Variants in TRIM65 observed in about 807,000 individuals in gnomAD.
The protein encoded by TRIM65 is tripartite motif containing 65.
A neutral mutation model predicts 36.1 loss-of-function variants in TRIM65; 46 were observed. The ratio of observed to expected loss-of-function variants is 1.27; its 90% CI spans 1.01 to 1.63. The LOEUF (loss-of-function observed/expected upper bound fraction) is 1.63. Ranked by LOEUF, TRIM65 falls within the 40% of genes most tolerant of loss-of-function variation. The pLI is 0.00. For synonymous variants in TRIM65, 346 were observed against 313.6 expected, an observed-to-expected ratio of 1.10 and a Z score of -1.09; for missense variants, 708 against 696.6, an observed-to-expected ratio of 1.02 and a Z score of -0.18.
chr17:75,894,340 A>C (rs1299975319), intron 1 of TRIM65, among the ~76,000 whole-genome samples: 1 of 152,190 alleles, frequency 6.6e-6, no homozygotes, highest in Non-Finnish European at 1.5e-5. Flanking sequence ...TTCGCTGCTG[A>C]AATGGGTTTT....
chr17:75,883,392 C>T (rs1367310049), intron 4 of TRIM65, among the ~76,000 whole-genome samples: 2 of 152,156 alleles, frequency 1.3e-5, no homozygotes, highest in South Asian at 4.1e-4. Context: ...GCTGGGACTA[C>T]AGGCAAGAGC....
intron 4 of TRIM65, among the ~76,000 whole-genome samples, chr17:75,882,929 A>T (rs181282825): frequency 6.7e-6 from 1 of 149,334 alleles, no homozygotes; most frequent in East Asian, 1.9e-4. Flanking sequence ...CGAGGACTTG[A>T]GCTCAGGAGT....
rs2065288903 is a variant in TRIM65, at chr17:75,892,656, A to T, written c.510+99T>A. On this transcript the variant is annotated intron_variant, in intron 2 of 5. Transcript: ENST00000269383. ...GACCCCTGTGCCCAGCTCCCTGCTC[A>T]GCCCCGCTCCCTGCTGCCTGGTGTT... 1.2e-5 allele frequency: 16 copies of T among 1,300,808 alleles called. No individual in the cohort carries two copies. The South Asian group carries it at 1.7e-4, about 14-fold the overall frequency. The allele number at this position is 1,300,808 out of a possible 1,614,324, so 80.6% of individuals were successfully genotyped here.
chr17:75,890,800 G>A lies in TRIM65; in HGVS notation c.1533C>T (p.Pro511=). ...HQPGAVFPLG[P]QEEVLS is the part of the protein sequence containing the mutation. ...TTCTTCAGCTGAGCACCTCTTCCTG[G>A]GGCCCCAGAGGGAACACAGCCCCTG... The change falls in exon 6 of 6, where the codon CCC becomes CCT. Residue 511 remains proline (P), a synonymous_variant. Transcript: ENST00000269383. The A allele has an allele frequency of 6.7e-7, 1 of 1,491,026 alleles. No individual in the cohort carries two copies. The highest frequency in any genetic ancestry group is 1.4e-5 in the South Asian group (1 of 72,790). The allele number at this position is 1,491,026 out of a possible 1,614,324, so 92.4% of individuals were successfully genotyped here. A position where few individuals can be genotyped will look rare whatever the true frequency, so the allele number is the denominator to read the frequency against.
rs2065234516 is a variant in TRIM65 at position 75,889,149 on chromosome 17, G to A, written c.*1630C>T. 6.6e-6 allele frequency: 1 copy of A among 150,458 alleles called. No homozygotes were observed. The highest frequency in any genetic ancestry group is 2.0e-4 in the East Asian group (1 of 5,122). 9.3% of individuals were successfully genotyped at this position (150,458 alleles called of 1,614,324 possible). ...TCAGCTCACTGCAACCTCACCTCCT[G>A]GGTTCAAGCGATTCTTCTGCCTCAG... On this transcript the variant is annotated 3_prime_UTR_variant, in exon 6 of 6. Coordinates refer to ENST00000269383, the MANE Select transcript of TRIM65 (RefSeq NM_173547.4).
downstream of TRIM65, among the ~76,000 whole-genome samples, chr17:75,884,372 T>A (rs1380553252): frequency 4.0e-5 from 6 of 151,870 alleles, no homozygotes; most frequent in Non-Finnish European, 1.5e-5. Context: ...AGCAGGAGAA[T>A]CGCTTGAACC....
In TRIM65 at chr17:75,890,735, T is replaced by C. The variant is rs763393396; in HGVS notation, c.*44A>G. 9.2e-6 allele frequency: 13 copies of C among 1,416,770 alleles called. No individual in the cohort carries two copies. In the South Asian group the frequency reaches 1.1e-4, roughly 12 times the overall value. The allele number at this position is 1,416,770 out of a possible 1,614,324, so 87.8% of individuals were successfully genotyped here. A position where few individuals can be genotyped will look rare whatever the true frequency, so the allele number is the denominator to read the frequency against. ...TGAAGCTGGGCAGCTCTTGGGCACA[T>C]AGGCATGGTGGCAGCTATGCCAGGG... On this transcript the variant is annotated 3_prime_UTR_variant, in exon 6 of 6. Coordinates refer to ENST00000269383, the MANE Select transcript of TRIM65 (RefSeq NM_173547.4).
chr17:75,892,324 G>T lies in TRIM65; in HGVS notation c.687C>A (p.Arg229=). 6.2e-7 allele frequency: 1 copy of T among 1,612,600 alleles called. No homozygotes were observed. Residue 229 remains arginine (R), a synonymous_variant, in exon 3 of 6, where the codon CGC becomes CGA. Coordinates refer to ENST00000269383, the MANE Select transcript of TRIM65 (RefSeq NM_173547.4). ...RLRVHLEAVA[R]HGCRIRELLE... ...GGAGCTCCCGGATCCTGCAGCCATGGCGAGCCACAGCCTCCAAATGGACCC... is the reference window on the plus strand; with the variant it reads ...GGAGCTCCCGGATCCTGCAGCCATGTCGAGCCACAGCCTCCAAATGGACCC...
Position 75,892,362 on chromosome 17 carries a change from C to A in TRIM65, c.649G>T (p.Glu217Ter). 6.2e-7 allele frequency: 1 copy of A among 1,613,470 alleles called. No homozygotes were observed. The highest frequency in any genetic ancestry group is 1.1e-5 in the South Asian group (1 of 91,058). The change falls in exon 3 of 6, where the codon GAG becomes TAG. Residue 217 changes from glutamate to a stop codon, truncating the protein, a stop_gained. Transcript: ENST00000269383. LOFTEE classifies it high-confidence loss of function. ...TCCAAATGGACCCGCAGCCGCTGCTCCTCGTCTCGAGCCTGTGCCAGCGCC... is the reference window on the plus strand; with the variant it reads ...TCCAAATGGACCCGCAGCCGCTGCTACTCGTCTCGAGCCTGTGCCAGCGCC... The part of the protein sequence containing the change: ...TQALAQARDE[E>*]QRLRVHLEAV...
At chr17:75,882,773 T>G (rs1260880069) in intron 4 of TRIM65, among the ~76,000 whole-genome samples, 1 of 150,482 alleles carries the variant, frequency 6.6e-6, no homozygotes, top group African/African-American at 2.5e-5. Context: ...CTCAAGAGGT[T>G]GCAGCTTGAA....
chr17:75,887,173 A>C (rs925026911), downstream of TRIM65, among the ~76,000 whole-genome samples: 1 of 144,444 alleles, frequency 6.9e-6, no homozygotes, highest in Non-Finnish European at 1.5e-5. Flanking sequence ...AAAAAAAAAA[A>C]AGAAGAGAAA....
chr17:75,881,235 CAAAAA>C (rs58718762), intron 4 of TRIM65, among the ~76,000 whole-genome samples: 2 of 110,272 alleles, frequency 1.8e-5, no homozygotes, highest in Non-Finnish European at 3.8e-5. Context: ...GACTCCATCT[CAAAAA>C]AAAAAAAAAA....
downstream of TRIM65, among the ~76,000 whole-genome samples, chr17:75,888,289 C>T (rs916766324): frequency 6.6e-6 from 1 of 150,878 alleles, no homozygotes; most frequent in African/African-American, 2.4e-5. Context: ...GGAGGCGGAG[C>T]TTGCAGTGAG....
chr17:75,887,792 C>T (rs1385201401), downstream of TRIM65, among the ~76,000 whole-genome samples: 7 of 151,738 alleles, frequency 4.6e-5, no homozygotes, highest in African/African-American at 1.7e-4. Flanking sequence ...GAGGCCCAGG[C>T]GGGTGGATCA....
At position 75,891,793 on chromosome 17, in the gene TRIM65, T is replaced by A; in HGVS notation, c.985+20A>T. ...GCACACGCACACACAGGGGCACACA[T>A]ACACGAACGGCCTCCTTACTCTGCC... On this transcript the variant is annotated intron_variant, in intron 5 of 5. Coordinates refer to ENST00000269383, the MANE Select transcript of TRIM65 (RefSeq NM_173547.4). The A allele has an allele frequency of 6.2e-7, 1 of 1,602,488 alleles. No individual in the cohort carries two copies. The highest frequency in any genetic ancestry group is 8.5e-7 in the Non-Finnish European group (1 of 1,174,356).
Position 75,891,303 on chromosome 17 carries a change from A to T in TRIM65, c.1030T>A (p.Phe344Ile). Residue 344 changes from phenylalanine (F) to isoleucine (I), a missense_variant, in exon 6 of 6, where the codon TTC (phenylalanine) becomes ATC (isoleucine). By Grantham distance (21) the Phe-to-Ile change is conservative. Coordinates refer to ENST00000269383, the MANE Select transcript of TRIM65 (RefSeq NM_173547.4). Reference protein sequence around the residue: ...TFDPVSANRHFYLSRQDQQVK... With the variant: ...TFDPVSANRHIYLSRQDQQVK... ...TGCTGGTCCTGGCGCGACAGATAGA[A>T]GTGACGGTTGGCGCTGACTGGATCA... The T allele has an allele frequency of 6.2e-7, 1 of 1,613,264 alleles. No individual in the cohort carries two copies. Among genetic ancestry groups the T allele is most frequent in the Non-Finnish European group, 8.5e-7 (1 of 1,180,006 alleles).
downstream of TRIM65, among the ~76,000 whole-genome samples, chr17:75,886,677 T>C (rs536363903): frequency 7.2e-5 from 11 of 152,214 alleles, no homozygotes; most frequent in East Asian, 2.1e-3. Flanking sequence ...TCCCTGTCTT[T>C]CACAACCTCT....
chr17:75,884,758 A>G (rs907417780), downstream of TRIM65, among the ~76,000 whole-genome samples: 17 of 152,134 alleles, frequency 1.1e-4, no homozygotes, highest in Admixed American at 2.6e-4. Flanking sequence ...AGCTGGGACC[A>G]CAGGCGCACG....
chr17:75,891,409 A>G, intron 5 of TRIM65, 62 bp from the exon 6 acceptor site: 1 of 1,562,634 alleles, frequency 6.4e-7, no homozygotes, highest in Non-Finnish European at 8.8e-7. Context: ...ATCTCCATTT[A>G]TCCGCTGCTA....
Sources: allele counts gnomAD v4.1 joint callset (sites outside exome capture counted in the v4.1 genomes callset), GRCh38; gene constraint gnomAD v4.1.1; transcripts MANE v1.5; gene names NCBI Gene and HGNC (gene_info 2026-07-23, HGNC 2026-07-21).